KAZN: variants seen among roughly 807,000 people sequenced by gnomAD.
The protein encoded by KAZN is kazrin, periplakin interacting protein.
Under a neutral mutation model 87.4 loss-of-function variants are expected in KAZN, and 40 were observed. The observed-to-expected ratio is 0.46, with a 90% CI of 0.36 to 0.60. The LOEUF is 0.60. KAZN is among the 20% of genes least tolerant of loss of function. KAZN has a pLI of 0.00. For missense variants in KAZN, 898 were observed against 1,073.9 expected (o/e 0.84, Z 2.29); for synonymous variants, 466 against 458.3 (o/e 1.02, Z -0.22).
chr1:14,501,896 A>G (rs1045768845), intron 2 of KAZN, among the ~76,000 whole-genome samples: 1 of 152,250 alleles, frequency 6.6e-6, no homozygotes, highest in Admixed American at 6.5e-5. Context: ...TTTCACTTAT[A>G]TGCAATATTG....
chr1:13,952,778 C>A (rs904183679), intron 1 of KAZN, among the ~76,000 whole-genome samples: 3 of 152,168 alleles, frequency 2.0e-5, no homozygotes, highest in Admixed American at 6.5e-5. Context: ...ACTGGCCAGC[C>A]GGAGCTCAAA....
intron 1 of KAZN, among the ~76,000 whole-genome samples, chr1:13,918,202 A>T (rs1296870215): frequency 6.6e-6 from 1 of 152,206 alleles, no homozygotes; most frequent in Non-Finnish European, 1.5e-5. Flanking sequence ...ACCTTCTAGA[A>T]GGGATTCATC....
intron 1 of KAZN, among the ~76,000 whole-genome samples, chr1:14,912,319 C>G (rs1222206895): frequency 6.6e-6 from 1 of 152,056 alleles, no homozygotes; most frequent in Non-Finnish European, 1.5e-5. Flanking sequence ...ATGGACAGAC[C>G]CAGGACATTG....
chr1:14,925,982 AAAT>A (rs1057188547), intron 1 of KAZN, among the ~76,000 whole-genome samples: 65 of 152,294 alleles, frequency 4.3e-4, no homozygotes, highest in African/African-American at 1.4e-3. Flanking sequence ...TGTACAGTGG[AAAT>A]AATAATAGTA....
At position 14,377,815 on chromosome 1, in the gene KAZN, C is replaced by T. The variant is rs141308134; in HGVS notation, c.249+197223C>T. Among the ~76,000 whole-genome samples the T allele has an allele frequency of 1.9e-3, 286 of 152,298 alleles. 5 individuals are homozygous for T. Among genetic ancestry groups the T allele is most frequent in the Admixed American group, 0.014 (218 of 15,300 alleles). The stretch of plus-strand genomic sequence containing the variant: ...TTCGGCACTATTCATTCTGCCAGCT[C>T]ATTCTTTGTGCTCGGAGGCTGTCTA... On this transcript the variant is annotated intron_variant, in intron 2 of 16. Coordinates refer to the KAZN transcript ENST00000636203.
intron 1 of KAZN, among the ~76,000 whole-genome samples, chr1:14,646,619 G>A (rs976436252): frequency 3.3e-5 from 5 of 152,004 alleles, no homozygotes; most frequent in African/African-American, 1.2e-4. Context: ...TGCCTTGTAG[G>A]GGGCTTATAG....
intron 3 of KAZN, among the ~76,000 whole-genome samples, chr1:15,041,790 C>T (rs950676917): frequency 3.9e-5 from 6 of 152,062 alleles, no homozygotes; most frequent in Non-Finnish European, 7.4e-5. Flanking sequence ...TTCCAGACCT[C>T]TCAGGCGTCT....
intron 2 of KAZN, among the ~76,000 whole-genome samples, chr1:14,253,131 A>C (rs1193638890): frequency 6.6e-6 from 1 of 151,896 alleles, no homozygotes; most frequent in African/African-American, 2.4e-5. Flanking sequence ...GAAAAAAAAA[A>C]AAAAACGGCC....
At chr1:15,025,513 C>A (rs192024173) in intron 2 of KAZN, among the ~76,000 whole-genome samples, 1 of 152,246 alleles carries the variant, frequency 6.6e-6, no homozygotes, top group Non-Finnish European at 1.5e-5. Context: ...GTTTCCCTCC[C>A]GTGCCATGGC....
upstream of KAZN, among the ~76,000 whole-genome samples, chr1:14,597,341 TGTTTTTATG>T (rs1174641976): frequency 6.6e-6 from 1 of 152,158 alleles, no homozygotes; most frequent in East Asian, 1.9e-4. Context: ...GGAGCAAGAC[TGTTTTTATG>T]GTTCCACAGA....
intron 2 of KAZN, among the ~76,000 whole-genome samples, chr1:14,395,863 T>C (rs1376743064): frequency 6.6e-6 from 1 of 151,862 alleles, no homozygotes; most frequent in East Asian, 1.9e-4. Context: ...AACCCCACAG[T>C]TCTTGTACCT....
chr1:14,794,386 G>A (rs866117096), intron 1 of KAZN, among the ~76,000 whole-genome samples: 4 of 152,186 alleles, frequency 2.6e-5, no homozygotes, highest in Non-Finnish European at 5.9e-5. Flanking sequence ...CTGTCAACAG[G>A]CAACAGATCT....
rs551741823 is a variant in KAZN at position 14,585,371 on chromosome 1, T to C, written c.250-13612T>C. Among the ~76,000 whole-genome samples, 5 of 152,340 alleles carry C rather than the reference T, an allele frequency of 3.3e-5. No homozygotes were observed. The South Asian group carries it at 1.0e-3, about 32-fold the overall frequency. On this transcript the variant is annotated intron_variant, in intron 2 of 16. Transcript: ENST00000636203. Reference sequence around the variant, plus strand: ...TGCAACCATATTCATTTTTCTCATTTGTGGATCTGCACAATGGCAGGACGT... The same window carrying C: ...TGCAACCATATTCATTTTTCTCATTCGTGGATCTGCACAATGGCAGGACGT...
chr1:14,296,019 C>A (rs1341397958), intron 2 of KAZN, among the ~76,000 whole-genome samples: 1 of 152,162 alleles, frequency 6.6e-6, no homozygotes, highest in Non-Finnish European at 1.5e-5. Context: ...CTCTGTGCCT[C>A]AGTTTTCCAT....
intron 2 of KAZN, among the ~76,000 whole-genome samples, chr1:14,214,647 T>A (rs1325515155): frequency 2.0e-5 from 3 of 152,212 alleles, no homozygotes; most frequent in African/African-American, 7.2e-5. Flanking sequence ...GCTAAAGACA[T>A]ATTTTTCAAG....
chr1:14,626,102 G>A (rs1157710331), intron 1 of KAZN, among the ~76,000 whole-genome samples: 1 of 152,188 alleles, frequency 6.6e-6, no homozygotes, highest in Non-Finnish European at 1.5e-5. Context: ...TGGGGCTGCG[G>A]AATTCTGGCC....
chr1:14,412,428 C>G (rs1664383502), intron 2 of KAZN, among the ~76,000 whole-genome samples: 1 of 152,128 alleles, frequency 6.6e-6, no homozygotes. Flanking sequence ...ACTGATAAAA[C>G]TGAGAACTCA....
At chr1:14,850,428 A>T (rs1649302323) in intron 1 of KAZN, among the ~76,000 whole-genome samples, 2 of 152,126 alleles carry the variant, frequency 1.3e-5, no homozygotes, top group Admixed American at 1.3e-4. Flanking sequence ...TTAAATCCTC[A>T]CACCAATCCA....
intron 1 of KAZN, among the ~76,000 whole-genome samples, chr1:14,675,825 G>C (rs1640186776): frequency 2.0e-5 from 3 of 152,176 alleles, no homozygotes; most frequent in Admixed American, 2.0e-4. Context: ...GTTGTTCTCA[G>C]AGAACCTTCT....
Sources: allele counts gnomAD v4.1 joint callset (sites outside exome capture counted in the v4.1 genomes callset), GRCh38; gene constraint gnomAD v4.1.1; transcripts MANE v1.5; gene names NCBI Gene and HGNC (gene_info 2026-07-23, HGNC 2026-07-21).